AFG2A: variants seen among roughly 807,000 people sequenced by gnomAD.
AFG2A encodes ATPase family gene 2 protein homolog A.
the AFG2A span, among the ~76,000 whole-genome samples, chr4:123,102,918 A>G: frequency 0.74 from 111,812 of 151,526 alleles, 41,800 homozygotes; most frequent in East Asian, 0.97. Flanking sequence ...TTGAAATTTT[A>G]ATGCATTAAA....
the AFG2A span, among the ~76,000 whole-genome samples, chr4:123,311,108 C>T: frequency 6.6e-6 from 1 of 152,162 alleles, no homozygotes. Flanking sequence ...TTCTATATCT[C>T]AAGTTTCGTA....
chr4:122,999,547 A>G, the AFG2A span, among the ~76,000 whole-genome samples: 800 of 152,094 alleles, frequency 5.3e-3, 7 homozygotes, highest in African/African-American at 0.018. Context: ...TTTTTCCAGC[A>G]CCATTTATTA....
chr4:123,150,737 T>C, the AFG2A span, among the ~76,000 whole-genome samples: 2 of 152,162 alleles, frequency 1.3e-5, no homozygotes, highest in Admixed American at 6.6e-5. Context: ...CAAGCTACCA[T>C]TGACTTCCTT....
chr4:123,052,656 C>G, the AFG2A span, among the ~76,000 whole-genome samples: 1 of 152,276 alleles, frequency 6.6e-6, no homozygotes, highest in African/African-American at 2.4e-5. Context: ...ACCACTTCAG[C>G]TATCTAAACA....
the AFG2A span, among the ~76,000 whole-genome samples, chr4:123,217,633 C>G: frequency 6.6e-6 from 1 of 152,148 alleles, no homozygotes; most frequent in African/African-American, 2.4e-5. Flanking sequence ...TTGTGTCATA[C>G]CCCTTCCACC....
chr4:123,273,245 G>C, the AFG2A span, among the ~76,000 whole-genome samples: 1 of 151,986 alleles, frequency 6.6e-6, no homozygotes, highest in African/African-American at 2.4e-5. Context: ...GGGTTTTACT[G>C]TACATTATGC....
At chr4:123,089,030 T>C in the AFG2A span, among the ~76,000 whole-genome samples, 2 of 152,226 alleles carry the variant, frequency 1.3e-5, no homozygotes, top group African/African-American at 2.4e-5. Flanking sequence ...ACAGTTCTCA[T>C]TGACTTTGCA....
chr4:123,159,346 T>C, the AFG2A span, among the ~76,000 whole-genome samples: 2 of 152,108 alleles, frequency 1.3e-5, no homozygotes, highest in African/African-American at 4.8e-5. Context: ...GCCTGGGTAA[T>C]GTTAGTTGGG....
chr4:122,956,978 G>A, the AFG2A span, among the ~76,000 whole-genome samples: 13 of 152,138 alleles, frequency 8.5e-5, no homozygotes, highest in African/African-American at 3.1e-4. Flanking sequence ...AATCAGGCTT[G>A]TGATCTTAGA....
At chr4:123,106,773 G>A in the AFG2A span, among the ~76,000 whole-genome samples, 144 of 152,334 alleles carry the variant, frequency 9.5e-4, 3 homozygotes, top group African/African-American at 3.2e-3. Context: ...AGTACTGCTC[G>A]CACCCACTGA....
At chr4:122,954,493 G>A in the AFG2A span, among the ~76,000 whole-genome samples, 1 of 152,198 alleles carries the variant, frequency 6.6e-6, no homozygotes. Flanking sequence ...TCCTCACTCT[G>A]CTCCTCACTA....
the AFG2A span, among the ~76,000 whole-genome samples, chr4:123,134,548 A>T: frequency 6.9e-6 from 1 of 144,846 alleles, no homozygotes; most frequent in Non-Finnish European, 1.5e-5. Flanking sequence ...TTTGGTCAAG[A>T]TTATTTTGAC....
the AFG2A span, among the ~76,000 whole-genome samples, chr4:123,308,039 G>A: frequency 6.6e-6 from 1 of 152,196 alleles, no homozygotes; most frequent in Non-Finnish European, 1.5e-5. Flanking sequence ...TGCACTGTTT[G>A]TAAATTTTCT....
the AFG2A span, among the ~76,000 whole-genome samples, chr4:123,091,544 A>G: frequency 2.0e-5 from 3 of 152,220 alleles, no homozygotes; most frequent in Non-Finnish European, 4.4e-5. Flanking sequence ...AGCAAGTACT[A>G]GTTAGACTCC....
At chr4:123,157,431 T>G in the AFG2A span, among the ~76,000 whole-genome samples, 2,306 of 152,304 alleles carry the variant, frequency 0.015, 22 homozygotes, top group African/African-American at 0.025. Context: ...ACCCCCTACT[T>G]TGTATGGTTT....
chr4:123,054,719 A>G, the AFG2A span, among the ~76,000 whole-genome samples: 1 of 151,522 alleles, frequency 6.6e-6, no homozygotes, highest in Non-Finnish European at 1.5e-5. Flanking sequence ...CTTCATCTCA[A>G]AAAAAAAATT....
At chr4:122,947,269 A>G in the AFG2A span, 2 of 1,611,122 alleles carry the variant, frequency 1.2e-6, no homozygotes, top group East Asian at 2.2e-5. Context: ...TCTTGGGGCC[A>G]CAAATCGCCC....
At chr4:123,148,499 T>C in the AFG2A span, among the ~76,000 whole-genome samples, 3 of 152,212 alleles carry the variant, frequency 2.0e-5, no homozygotes, top group African/African-American at 7.2e-5. Flanking sequence ...AGCTAGCCTA[T>C]AGCAACTGCC....
the AFG2A span, chr4:122,935,956 GCTT>G: frequency 4.6e-6 from 6 of 1,314,346 alleles, no homozygotes; most frequent in African/African-American, 9.0e-5. Context: ...GAAATATTTT[GCTT>G]CTTAATAAAA....
Sources: allele counts gnomAD v4.1 joint callset (sites outside exome capture counted in the v4.1 genomes callset), GRCh38; gene constraint gnomAD v4.1.1; transcripts MANE v1.5; gene names NCBI Gene and HGNC (gene_info 2026-07-23, HGNC 2026-07-21).